Variants in RARB observed in about 807,000 individuals in gnomAD.
RARB encodes HBV-activated protein.
Under a neutral mutation model 51.9 loss-of-function variants are expected in RARB, and 17 were observed. The observed-to-expected ratio is 0.33, with a 90% CI of 0.22 to 0.49. The LOEUF (loss-of-function observed/expected upper bound fraction) is 0.49. Among genes scored for constraint, RARB ranks in the 20% least tolerant of loss-of-function variants. The pLI is 0.99. For synonymous variants in RARB, 215 were observed against 195.4 expected (o/e 1.10, Z -0.84); for missense variants, 369 against 550.8 (o/e 0.67, Z 3.30).
At chr3:25,484,820 T>TG (rs1325284021) in intron 2 of RARB, among the ~76,000 whole-genome samples, 4 of 152,142 alleles carry the variant, frequency 2.6e-5, no homozygotes, top group African/African-American at 9.7e-5. Flanking sequence ...GTTTACAAAA[T>TG]GGAAGCTTTA....
rs116335286 is a variant in RARB at position 25,495,206 on chromosome 3, G to C, written c.307-5976G>C. ...TTAGAAGGTGAAACGGGGTTCATGT[G>C]TGAAGAAAAAAAATCTAAAGCAATA... is the stretch of plus-strand genomic sequence containing the variant. On this transcript the variant is annotated intron_variant, in intron 2 of 7. Coordinates refer to ENST00000330688, the MANE Select transcript of RARB (RefSeq NM_000965.5). Among the ~76,000 whole-genome samples, 175 of 152,250 alleles carry C rather than the reference G, an allele frequency of 1.1e-3. 1 individual carries two copies. The highest frequency in any genetic ancestry group is 3.7e-3 in the African/African-American group (154 of 41,544).
chr3:25,267,476 C>G (rs1703154261), intron 5 of RARB, among the ~76,000 whole-genome samples: 2 of 152,094 alleles, frequency 1.3e-5, no homozygotes, highest in African/African-American at 2.4e-5. Flanking sequence ...TTAGTCTTTT[C>G]TGAGTTTAAA....
intron 2 of RARB, among the ~76,000 whole-genome samples, chr3:24,941,710 A>T (rs961221557): frequency 9.2e-5 from 14 of 152,184 alleles, no homozygotes; most frequent in African/African-American, 3.1e-4. Flanking sequence ...CTTTATGAAA[A>T]ATTCACTACA....
intron 5 of RARB, among the ~76,000 whole-genome samples, chr3:25,405,998 C>T (rs1356648885): frequency 6.6e-5 from 10 of 152,054 alleles, no homozygotes; most frequent in South Asian, 2.1e-4. Flanking sequence ...GTCACTATCC[C>T]GAGAGTATTC....
At chr3:25,215,627 G>T (rs1701816623) in intron 5 of RARB, among the ~76,000 whole-genome samples, 1 of 152,156 alleles carries the variant, frequency 6.6e-6, no homozygotes, top group South Asian at 2.1e-4. Context: ...GAAACAGCAT[G>T]TTGGAGGGTA....
intron 3 of RARB, among the ~76,000 whole-genome samples, chr3:25,537,474 G>A (rs577803845): frequency 1.3e-5 from 2 of 152,148 alleles, no homozygotes; most frequent in Non-Finnish European, 2.9e-5. Context: ...GCAATACTAT[G>A]CACTGACTCA....
intron 2 of RARB, among the ~76,000 whole-genome samples, chr3:24,973,139 T>C (rs981615598): frequency 2.0e-5 from 3 of 152,016 alleles, no homozygotes; most frequent in Non-Finnish European, 4.4e-5. Context: ...AATCCATTTT[T>C]ATTTGATTTT....
At chr3:25,426,319 A>T (rs1707984477), upstream of RARB, among the ~76,000 whole-genome samples, 1 of 152,268 alleles carries the variant, frequency 6.6e-6, no homozygotes, top group South Asian at 2.1e-4. Context: ...CAAAAATAAC[A>T]AACACAGATT....
chr3:25,267,406 T>A (rs909505610), intron 5 of RARB, among the ~76,000 whole-genome samples: 2 of 152,176 alleles, frequency 1.3e-5, no homozygotes, highest in Admixed American at 6.5e-5. Flanking sequence ...GCAACCCCCG[T>A]CTTTCACCTC....
At chr3:25,145,641 A>G (rs1700176021) in intron 4 of RARB, among the ~76,000 whole-genome samples, 1 of 152,156 alleles carries the variant, frequency 6.6e-6, no homozygotes, top group Non-Finnish European at 1.5e-5. Context: ...ATTAGTTCAG[A>G]CATATGTCTG....
rs186048328 is a variant in RARB at position 25,440,827 on chromosome 3, T to A, written c.157+11939T>A. On this transcript the variant is annotated intron_variant, in intron 1 of 7. Coordinates refer to ENST00000330688, the MANE Select transcript of RARB (RefSeq NM_000965.5). ...CAAATGCTAGCATTGTCCAGAAAAA[T>A]TTAACAGATTTATTTATAATTATTA... is the stretch of plus-strand genomic sequence containing the variant. 5.4e-3 allele frequency among the ~76,000 whole-genome samples: 813 copies of A among 151,894 alleles called. 8 individuals carry two copies. Among genetic ancestry groups the A allele is most frequent in the African/African-American group, 0.019 (770 of 41,402 alleles).
intron 5 of RARB, among the ~76,000 whole-genome samples, chr3:25,212,661 C>T (rs1435447045): frequency 6.6e-6 from 1 of 152,148 alleles, no homozygotes; most frequent in Non-Finnish European, 1.5e-5. Flanking sequence ...AGACAATGTG[C>T]TATCCAGACC....
chr3:25,497,149 T>C (rs1697080454), intron 2 of RARB, among the ~76,000 whole-genome samples: 1 of 152,150 alleles, frequency 6.6e-6, no homozygotes. Flanking sequence ...CCTCCCAAAG[T>C]GCTGGGATTA....
chr3:25,204,072 G>C (rs894865472), intron 5 of RARB, among the ~76,000 whole-genome samples: 2 of 152,188 alleles, frequency 1.3e-5, no homozygotes, highest in African/African-American at 4.8e-5. Flanking sequence ...ACACCAATCA[G>C]ATGTAGATTT....
At chr3:24,865,225 C>A (rs968592348) in intron 2 of RARB, among the ~76,000 whole-genome samples, 2 of 152,050 alleles carry the variant, frequency 1.3e-5, no homozygotes, top group African/African-American at 2.4e-5. Context: ...GGAATTTGTT[C>A]CAGGACTTCC....
At chr3:25,496,411 C>T (rs905181432) in intron 2 of RARB, among the ~76,000 whole-genome samples, 1 of 152,162 alleles carries the variant, frequency 6.6e-6, no homozygotes, top group African/African-American at 2.4e-5. Context: ...ACCTTGAGTC[C>T]ACCAACTTGT....
chr3:25,317,071 T>TTATTGTAAGTATTATAAGTATTATAAG (rs1704445811), intron 5 of RARB, among the ~76,000 whole-genome samples: 2 of 42,294 alleles, frequency 4.7e-5, no homozygotes, highest in Admixed American at 4.4e-4. Flanking sequence ...AAGTATTTGA[T>TTATTGTAAGTATTATAAGTATTATAAG]TATTATAAGT....
Position 25,572,941 on chromosome 3 carries a change from C to T in RARB, c.609+3023C>T, listed in dbSNP as rs576904081. The stretch of plus-strand genomic sequence containing the variant: ...GACAAACACAACGTACAGCATTTGC[C>T]GCTCCTGGAACATGCGCCCTGGTGT... On this transcript the variant is annotated intron_variant, in intron 4 of 7. Coordinates refer to ENST00000330688, the MANE Select transcript of RARB (RefSeq NM_000965.5). Among the ~76,000 whole-genome samples the T allele has an allele frequency of 2.6e-5, 4 of 152,102 alleles. No individual in the cohort carries two copies. The East Asian group carries it at 7.7e-4, about 29-fold the overall frequency.
At chr3:25,171,517 G>C (rs1575194111) in intron 4 of RARB, among the ~76,000 whole-genome samples, 1 of 93,430 alleles carries the variant, frequency 1.1e-5, no homozygotes, top group African/African-American at 4.3e-5. Flanking sequence ...AAAAAGCCCA[G>C]ACATGATACC....
Sources: gnomAD v4.1 joint callset for allele counts (sites outside exome capture counted in the v4.1 genomes callset) on GRCh38, gnomAD v4.1.1 for gene constraint, MANE v1.5 for transcripts, NCBI Gene and HGNC (gene_info 2026-07-23, HGNC 2026-07-21) for gene names.